MAPK4: variants seen among roughly 807,000 people sequenced by gnomAD.
MAPK4 encodes the protein Erk3-related.
In MAPK4, 22 loss-of-function variants were observed where a neutral mutation model predicts 47.7. The observed-to-expected ratio is 0.46, with a 90% CI of 0.33 to 0.66. The LOEUF is 0.66. Among genes scored for constraint, MAPK4 ranks in the 30% least tolerant of loss-of-function variants. The pLI, the probability that MAPK4 is intolerant of heterozygous loss-of-function variation, is 0.02. For synonymous variants in MAPK4, 390 were observed against 365.7 expected (o/e 1.07, Z -0.76); for missense variants, 736 against 831.7 (o/e 0.88, Z 1.42).
chr18:50,700,725 AC>A (rs1419114793), intron 2 of MAPK4, among the ~76,000 whole-genome samples: 1 of 151,648 alleles, frequency 6.6e-6, no homozygotes, highest in Non-Finnish European at 1.5e-5. Context: ...GCTCTTCAAA[AC>A]CCTCTCGGGT....
intron 3 of MAPK4, among the ~76,000 whole-genome samples, chr18:50,716,807 G>A (rs1195183790): frequency 6.7e-6 from 1 of 149,302 alleles, no homozygotes; most frequent in African/African-American, 2.5e-5. Context: ...TTCTCCTCAG[G>A]GGCACCGTCT....
chr18:50,624,559 G>A (rs557107374), intron 1 of MAPK4, among the ~76,000 whole-genome samples: 3 of 152,132 alleles, frequency 2.0e-5, no homozygotes, highest in Non-Finnish European at 4.4e-5. Flanking sequence ...GTTATTATAA[G>A]CAGAAAAGAC....
chr18:50,724,649 G>A (rs1345952876), intron 4 of MAPK4, among the ~76,000 whole-genome samples: 1 of 152,224 alleles, frequency 6.6e-6, no homozygotes, highest in African/African-American at 2.4e-5. Context: ...CTAATTTGGG[G>A]GTCTAGGGTT....
intron 1 of MAPK4, among the ~76,000 whole-genome samples, chr18:50,622,464 A>G (rs2042740782): frequency 6.6e-6 from 1 of 152,136 alleles, no homozygotes; most frequent in Non-Finnish European, 1.5e-5. Flanking sequence ...GCTGCCCTGG[A>G]CAGGAGGTGT....
Position 50,604,275 on chromosome 18 carries a change from G to A in MAPK4, c.-871+44032G>A, listed in dbSNP as rs547894325. On this transcript the variant is annotated intron_variant, in intron 1 of 5. Transcript: ENST00000400384. Reference sequence around the variant, plus strand: ...TAGCATGCTTTGTTTAATGAGGCAGGAAAGTATGTGATATGCTTTAGAACT... The same window carrying A: ...TAGCATGCTTTGTTTAATGAGGCAGAAAAGTATGTGATATGCTTTAGAACT... Among the ~76,000 whole-genome samples, 7 of 152,324 alleles carry A rather than the reference G, an allele frequency of 4.6e-5. No homozygotes were observed. The East Asian group carries it at 1.3e-3, about 29-fold the overall frequency.
chr18:50,625,416 T>C (rs1016856736), intron 1 of MAPK4, among the ~76,000 whole-genome samples: 1 of 152,224 alleles, frequency 6.6e-6, no homozygotes, highest in African/African-American at 2.4e-5. Context: ...CTCAGCATCA[T>C]TCTTTGAGAG....
intron 2 of MAPK4, among the ~76,000 whole-genome samples, chr18:50,684,074 G>T (rs1598907671): frequency 6.6e-6 from 1 of 152,184 alleles, no homozygotes; most frequent in Non-Finnish European, 1.5e-5. Flanking sequence ...GTTGTGTTGT[G>T]CAGATGGAGG....
chr18:50,560,447 G>C (rs2042142737), intron 1 of MAPK4, among the ~76,000 whole-genome samples: 1 of 151,964 alleles, frequency 6.6e-6, no homozygotes, highest in Non-Finnish European at 1.5e-5. Context: ...GACCCGCCCG[G>C]CTGCCCTGGG....
chr18:50,726,142 G>A lies in MAPK4; in HGVS notation c.1034G>A (p.Ser345Asn). 1 of 1,614,112 alleles carries A rather than the reference G, an allele frequency of 6.2e-7. No individual in the cohort carries two copies. Among genetic ancestry groups the A allele is most frequent in the Non-Finnish European group, 8.5e-7 (1 of 1,180,036 alleles). The change falls in exon 5 of 6, where the codon AGC becomes AAC. Residue 345 changes from serine to asparagine, a missense_variant. Physicochemically the swap from Ser to Asn is conservative, Grantham distance 46. Coordinates refer to ENST00000400384, the MANE Select transcript of MAPK4 (RefSeq NM_002747.4). ...DDIVLMAANQ[S>N]QLSNWDTCSS... The stretch of plus-strand genomic sequence containing the variant: ...ATCGTGCTGATGGCCGCTAACCAGA[G>A]CCAGCTGTCCAACTGGGACACGTGC...
chr18:50,626,089 G>C (rs2144140054), intron 1 of MAPK4, among the ~76,000 whole-genome samples: 1 of 152,248 alleles, frequency 6.6e-6, no homozygotes, highest in African/African-American at 2.4e-5. Context: ...TCACTCAGGG[G>C]AAGTCCTTCA....
At chr18:50,719,676 C>A (rs1910831081) in intron 3 of MAPK4, among the ~76,000 whole-genome samples, 2 of 152,206 alleles carry the variant, frequency 1.3e-5, no homozygotes, top group Non-Finnish European at 2.9e-5. Flanking sequence ...CTCCAGCTGC[C>A]CTTCCAACAG....
At chr18:50,636,886 G>GTGGA (rs1255129524) in intron 1 of MAPK4, among the ~76,000 whole-genome samples, 1 of 152,192 alleles carries the variant, frequency 6.6e-6, no homozygotes, top group Non-Finnish European at 1.5e-5. Context: ...GGGTGGCTGG[G>GTGGA]TGGAGTATGT....
chr18:50,692,700 G>A (rs1159211327), intron 2 of MAPK4, among the ~76,000 whole-genome samples: 1 of 152,126 alleles, frequency 6.6e-6, no homozygotes, highest in Non-Finnish European at 1.5e-5. Flanking sequence ...GGGCCTGTGG[G>A]AAGAAAGAAA....
At chr18:50,602,632 C>A (rs1338703094) in intron 1 of MAPK4, among the ~76,000 whole-genome samples, 2 of 152,210 alleles carry the variant, frequency 1.3e-5, no homozygotes, top group Non-Finnish European at 2.9e-5. Context: ...ATTCAGCATT[C>A]TAAGTATGCT....
chr18:50,583,546 G>A (rs904378187), intron 1 of MAPK4, among the ~76,000 whole-genome samples: 9 of 152,280 alleles, frequency 5.9e-5, no homozygotes, highest in South Asian at 4.1e-4. Flanking sequence ...CTGAGATTGC[G>A]CCACTGCACT....
intron 4 of MAPK4, among the ~76,000 whole-genome samples, 181 bp from the exon 5 acceptor site, chr18:50,725,781 G>A (rs951541443): frequency 6.6e-6 from 1 of 152,250 alleles, no homozygotes. Context: ...CTAGAAGGCA[G>A]CATCTGCTTT....
chr18:50,587,733 T>A (rs1230828536), intron 1 of MAPK4, among the ~76,000 whole-genome samples: 2 of 152,172 alleles, frequency 1.3e-5, no homozygotes, highest in African/African-American at 2.4e-5. Flanking sequence ...ATGTTGTTTC[T>A]TTCTTTCTTT....
intron 2 of MAPK4, among the ~76,000 whole-genome samples, chr18:50,688,632 A>G (rs567910402): frequency 1.3e-5 from 2 of 152,310 alleles, no homozygotes; most frequent in African/African-American, 2.4e-5. Flanking sequence ...GAAGTAACTC[A>G]GGAATGGAAA....
intron 1 of MAPK4, among the ~76,000 whole-genome samples, chr18:50,656,667 C>A (rs2043112889): frequency 6.6e-6 from 1 of 152,182 alleles, no homozygotes; most frequent in African/African-American, 2.4e-5. Flanking sequence ...CCTCCAAGAG[C>A]CTCTCTGACT....
Sources: allele counts gnomAD v4.1 joint callset (sites outside exome capture counted in the v4.1 genomes callset), GRCh38; gene constraint gnomAD v4.1.1; transcripts MANE v1.5; gene names NCBI Gene and HGNC (gene_info 2026-07-23, HGNC 2026-07-21).